DYM: variants seen among roughly 807,000 people sequenced by gnomAD.
DYM encodes dyggve-Melchior-Clausen syndrome protein.
Under a neutral mutation model 93.1 loss-of-function variants are expected in DYM, and 78 were observed. That is an observed-to-expected ratio of 0.84 (90% CI 0.70 to 1.01). The LOEUF is 1.01. Among genes scored for constraint, DYM ranks in the 50% least tolerant of loss-of-function variants. The pLI is 0.00. For missense variants in DYM, 789 were observed against 845.0 expected (o/e 0.93, Z 0.82); for synonymous variants, 321 against 319.7 (o/e 1.00, Z -0.04).
At position 49,391,626 on chromosome 18, in the gene DYM, C is replaced by T; in HGVS notation, c.160G>A (p.Glu54Lys). The change falls in exon 3 of 18, where the codon GAG becomes AAG. Residue 54 changes from glutamate to lysine, a missense_variant. Glu to Lys is a moderately conservative substitution (Grantham distance 56, BLOSUM62 1). Coordinates refer to ENST00000675505, the MANE Select transcript of DYM (RefSeq NM_001353214.3). Reference protein sequence around the residue: ...PTSSSELKLLEEATISVCRSL... With the variant: ...PTSSSELKLLKEATISVCRSL... ...CTGCAGACTGAAATGGTTGCTTCCT[C>T]CAAGAGTTTCAACTCACTACTGGAG... The T allele has an allele frequency of 1.2e-6, 2 of 1,613,376 alleles. No homozygotes were observed. Among genetic ancestry groups the T allele is most frequent in the Non-Finnish European group, 1.7e-6 (2 of 1,179,588 alleles).
chr18:49,432,889 T>G (rs928430841), intron 1 of DYM, among the ~76,000 whole-genome samples: 3 of 152,200 alleles, frequency 2.0e-5, no homozygotes, highest in African/African-American at 7.2e-5. Context: ...CATGAGCTAC[T>G]GAGCCTGGCC....
rs898325693 is a variant in DYM at position 49,240,493 on chromosome 18, C to CA, written c.1460+16516dup. The stretch of plus-strand genomic sequence containing the variant: ...GGTTCACTGAATTATGCAGATCTTC[C>CA]AAATGTTGACACATTTCATCAAATA... On this transcript the variant is annotated intron_variant, in intron 13 of 17. Coordinates refer to ENST00000675505, the MANE Select transcript of DYM (RefSeq NM_001353214.3). Among the ~76,000 whole-genome samples, 223 of 152,238 alleles carry CA rather than the reference C, an allele frequency of 1.5e-3. 1 individual carries two copies. Among genetic ancestry groups the CA allele is most frequent in the African/African-American group, 5.1e-3 (210 of 41,542 alleles).
At chr18:49,107,176 T>C (rs900280642) in intron 16 of DYM, among the ~76,000 whole-genome samples, 1 of 152,178 alleles carries the variant, frequency 6.6e-6, no homozygotes, top group Non-Finnish European at 1.5e-5. Context: ...TCACTGATAC[T>C]CTTTCTTCCA....
At chr18:49,253,929 G>T (rs2094339060) in intron 13 of DYM, among the ~76,000 whole-genome samples, 1 of 151,916 alleles carries the variant, frequency 6.6e-6, no homozygotes, top group African/African-American at 2.4e-5. Context: ...CACAGTAATA[G>T]CCCCAGCTGT....
chr18:49,449,962 T>A (rs910475756), intron 1 of DYM, among the ~76,000 whole-genome samples: 1 of 152,176 alleles, frequency 6.6e-6, no homozygotes, highest in Non-Finnish European at 1.5e-5. Flanking sequence ...CAACATGTAT[T>A]TGAGATCTCT....
At chr18:49,379,625 G>A (rs908247888) in intron 4 of DYM, 40 bp downstream of exon 4, 2 of 1,488,400 alleles carry the variant, frequency 1.3e-6, no homozygotes, top group Non-Finnish European at 1.9e-6. Context: ...AATTCACATT[G>A]TTAAATATAA....
intron 3 of DYM, among the ~76,000 whole-genome samples, chr18:49,390,983 T>C (rs1374824249): frequency 1.3e-5 from 2 of 152,214 alleles, no homozygotes; most frequent in Non-Finnish European, 1.5e-5. Context: ...AAGTTAAGCA[T>C]TTGAGAAACA....
intron 2 of DYM, among the ~76,000 whole-genome samples, chr18:49,412,175 A>C (rs548559317): frequency 6.6e-6 from 1 of 152,054 alleles, no homozygotes; most frequent in East Asian, 1.9e-4. Flanking sequence ...TCAAAATGTC[A>C]GCAACTACTA....
chr18:49,354,590 C>A lies in DYM; in HGVS notation c.494+8571G>T, dbSNP rs80105249. 3.3e-5 allele frequency among the ~76,000 whole-genome samples: 5 copies of A among 152,058 alleles called. No individual in the cohort carries two copies. In the East Asian group the frequency reaches 9.6e-4, roughly 29 times the overall value. ...TATACAAAGAACTCTCAAAACTCAG[C>A]AAGAACACAACCCAATTAAAAAGTG... On this transcript the variant is annotated intron_variant, in intron 6 of 17. Coordinates refer to ENST00000675505, the MANE Select transcript of DYM (RefSeq NM_001353214.3).
At chr18:49,271,678 T>TA (rs146092313) in intron 11 of DYM, among the ~76,000 whole-genome samples, 54,980 of 149,884 alleles carry the variant, frequency 0.37, 11,792 homozygotes, top group Middle Eastern at 0.57. Flanking sequence ...ATGCAAAAAA[T>TA]AAAATAAAAA....
chr18:49,323,809 A>G lies in DYM; in HGVS notation c.763+8055T>C, dbSNP rs550738352. ...ACCATCTAACATCCTGTCCCATAACATAACAAATTATGGAAGTAAGGGTCT... is the reference window on the plus strand; with the variant it reads ...ACCATCTAACATCCTGTCCCATAACGTAACAAATTATGGAAGTAAGGGTCT... On this transcript the variant is annotated intron_variant, in intron 8 of 17. Transcript: ENST00000675505. Among the ~76,000 whole-genome samples, 113 of 152,358 alleles carry G rather than the reference A, an allele frequency of 7.4e-4. 2 individuals carry two copies. Among genetic ancestry groups the G allele is most frequent in the African/African-American group, 2.7e-3 (112 of 41,592 alleles).
At chr18:49,192,465 G>A (rs2091068121) in intron 14 of DYM, among the ~76,000 whole-genome samples, 1 of 152,208 alleles carries the variant, frequency 6.6e-6, no homozygotes, top group South Asian at 2.1e-4. Context: ...TGTGAGGTAA[G>A]GGTTCGATTT....
intron 15 of DYM, among the ~76,000 whole-genome samples, chr18:49,145,300 T>C (rs1414041336): frequency 3.3e-5 from 5 of 151,642 alleles, no homozygotes; most frequent in African/African-American, 4.8e-5. Flanking sequence ...TTTTCAATTG[T>C]GTCTTTAAGG....
At chr18:49,333,336 A>G (rs776389784) in intron 7 of DYM, among the ~76,000 whole-genome samples, 2 of 152,218 alleles carry the variant, frequency 1.3e-5, no homozygotes, top group Non-Finnish European at 2.9e-5. Flanking sequence ...GAGAAGTCCA[A>G]AGAGAGTAAG....
rs34899235 is a variant in DYM, at chr18:49,427,431, C to T, written c.140+2824G>A. ...TAAGGACAAGAACCATCAAGTGCAA[C>T]GTATGCACCTTATTTGGCTCCTAAT... On this transcript the variant is annotated intron_variant, in intron 2 of 17. Coordinates refer to ENST00000675505, the MANE Select transcript of DYM (RefSeq NM_001353214.3). 5.4e-3 allele frequency among the ~76,000 whole-genome samples: 820 copies of T among 152,134 alleles called. 2 individuals carry two copies. The highest frequency in any genetic ancestry group is 9.0e-3 in the Non-Finnish European group (614 of 67,992).
intron 13 of DYM, among the ~76,000 whole-genome samples, chr18:49,221,306 T>A (rs2144069396): frequency 1.3e-5 from 2 of 152,196 alleles, no homozygotes; most frequent in East Asian, 3.9e-4. Flanking sequence ...ACACTGTTGG[T>A]GGGAGTGTAA....
chr18:49,359,799 T>C (rs1211054404), intron 6 of DYM: 2 of 152,364 alleles, frequency 1.3e-5, no homozygotes, highest in East Asian at 1.9e-4. Flanking sequence ...GAAACGTTTA[T>C]AGCACTTCTG....
chr18:49,180,555 A>T (rs16950403), intron 14 of DYM, among the ~76,000 whole-genome samples: 3,864 of 152,236 alleles, frequency 0.025, 173 homozygotes, highest in African/African-American at 0.087. Context: ...GTAAATTTTA[A>T]CCTTGCACAA....
chr18:49,057,194 C>A (rs997728443), intron 17 of DYM, among the ~76,000 whole-genome samples: 1 of 152,300 alleles, frequency 6.6e-6, no homozygotes, highest in South Asian at 2.1e-4. Flanking sequence ...ATGAAGGGAG[C>A]AGTTTCACAG....
Sources: allele counts gnomAD v4.1 joint callset (sites outside exome capture counted in the v4.1 genomes callset), GRCh38; gene constraint gnomAD v4.1.1; transcripts MANE v1.5; gene names NCBI Gene and HGNC (gene_info 2026-07-23, HGNC 2026-07-21).